Variants in LAMA4 observed in about 807,000 individuals in gnomAD.
LAMA4 encodes the protein laminin subunit alpha-4.
In LAMA4, 127 loss-of-function variants were observed where a neutral mutation model predicts 207.1. That is an observed-to-expected ratio of 0.61 (90% confidence interval 0.53 to 0.71). The LOEUF (loss-of-function observed/expected upper bound fraction) is 0.71. Ranked by LOEUF, LAMA4 falls within the 30% of genes least tolerant of loss-of-function variation. The pLI, the probability that LAMA4 is intolerant of heterozygous loss-of-function variation, is 0.00. For synonymous variants in LAMA4, 761 were observed against 816.0 expected (o/e 0.93, Z 1.15); for missense variants, 2,093 against 2,246.5 (o/e 0.93, Z 1.38).
chr6:112,203,883 C>T lies in LAMA4; in HGVS notation c.423-2195G>A, dbSNP rs566080847. 3.3e-5 allele frequency among the ~76,000 whole-genome samples: 5 copies of T among 152,270 alleles called. No individual in the cohort carries two copies. The East Asian group carries it at 9.6e-4, about 29-fold the overall frequency. On this transcript the variant is annotated intron_variant, in intron 4 of 38. Coordinates refer to ENST00000230538, the MANE Select transcript of LAMA4 (RefSeq NM_001105206.3). ...TGTGAATATGCATCTAGATTTAGAGCACATTCTCTAAGTCCCTTCAGTGCT... is the reference window on the plus strand; with the variant it reads ...TGTGAATATGCATCTAGATTTAGAGTACATTCTCTAAGTCCCTTCAGTGCT...
At position 112,185,424 on chromosome 6, in the gene LAMA4, T is replaced by G. The variant is rs1782629192; in HGVS notation, c.967-77A>C. Reference sequence around the variant, plus strand: ...AAATGTACATAAAACTCTTTCAGTGTAAGAGGACTCAGAGTAGAGTGTGAG... The same window carrying G: ...AAATGTACATAAAACTCTTTCAGTGGAAGAGGACTCAGAGTAGAGTGTGAG... On this transcript the variant is annotated intron_variant, in intron 8 of 38. Coordinates refer to ENST00000230538, the MANE Select transcript of LAMA4 (RefSeq NM_001105206.3). The G allele has an allele frequency of 1.0e-5, 9 of 866,236 alleles. No individual in the cohort carries two copies. The East Asian group carries it at 2.2e-4, about 21-fold the overall frequency. The allele number at this position is 866,236 out of a possible 1,614,324, so 53.7% of individuals were successfully genotyped here.
In LAMA4 at chr6:112,206,519, G is replaced by A. The variant is rs115321673; in HGVS notation, c.422+502C>T. ...TTTAACTACTCATTCAGGTCAAAACGTAGCCAGAAAGTGTTCCTGTAAATC... is the reference window on the plus strand; with the variant it reads ...TTTAACTACTCATTCAGGTCAAAACATAGCCAGAAAGTGTTCCTGTAAATC... On this transcript the variant is annotated intron_variant, in intron 4 of 38. Transcript: ENST00000230538. 3.5e-3 allele frequency among the ~76,000 whole-genome samples: 533 copies of A among 152,168 alleles called. 2 individuals are homozygous for A. The highest frequency in any genetic ancestry group is 0.012 in the African/African-American group (506 of 41,514).
chr6:112,162,416 G>A (rs1420155003), intron 13 of LAMA4, among the ~76,000 whole-genome samples: 4 of 151,992 alleles, frequency 2.6e-5, no homozygotes, highest in Non-Finnish European at 4.4e-5. Flanking sequence ...AGGTTGCAGT[G>A]AGCCGAGATC....
rs1783139890 is a variant in LAMA4 at position 112,191,844 on chromosome 6, A to G, written c.510T>C (p.Ala170=). 8.7e-6 allele frequency: 14 copies of G among 1,610,960 alleles called. No individual in the cohort carries two copies. Among genetic ancestry groups the G allele is most frequent in the Non-Finnish European group, 1.2e-5 (14 of 1,177,278 alleles). The part of the protein sequence containing the change: ...NYAGPNCERC[A]PGYYGNPLLI... ...GTAAGGGGTTTCCATAGTAACCGGG[A>G]GCACATCTGAAGAGGAATATCACAC... Residue 170 remains alanine (A), a synonymous_variant, in exon 6 of 39, where the codon GCT becomes GCC. Transcript: ENST00000230538.
intron 2 of LAMA4, among the ~76,000 whole-genome samples, chr6:112,241,265 C>CGAA (rs1554187705): frequency 6.8e-6 from 1 of 146,022 alleles, no homozygotes; most frequent in Non-Finnish European, 1.5e-5. Context: ...ATTCAGAAAT[C>CGAA]TCAACGACTG....
At chr6:112,124,074 C>A (rs976913618) in intron 31 of LAMA4, among the ~76,000 whole-genome samples, 3 of 152,150 alleles carry the variant, frequency 2.0e-5, no homozygotes, top group Non-Finnish European at 4.4e-5. Flanking sequence ...TGGAGTAATA[C>A]ACTTTATGAT....
intron 17 of LAMA4, among the ~76,000 whole-genome samples, chr6:112,148,664 G>A (rs1780182345): frequency 6.6e-6 from 1 of 151,900 alleles, no homozygotes; most frequent in African/African-American, 2.4e-5. Flanking sequence ...GAACACTTCT[G>A]CCATAAAAAT....
chr6:112,140,030 A>T lies in LAMA4; in HGVS notation c.2977-145T>A, dbSNP rs532158535. 8.9e-6 allele frequency: 7 copies of T among 788,540 alleles called. No homozygotes were observed. The South Asian group carries it at 1.0e-4, about 12-fold the overall frequency. 48.8% of individuals were successfully genotyped at this position (788,540 alleles called of 1,614,324 possible). A position where few individuals can be genotyped will look rare whatever the true frequency, so the allele number is the denominator to read the frequency against. ...TCTAGACCCGAGTGTGTTTATGCCA[A>T]ATCATTTAGATATGGCGTAACTTGT... On this transcript the variant is annotated intron_variant, in intron 22 of 38. Coordinates refer to ENST00000230538, the MANE Select transcript of LAMA4 (RefSeq NM_001105206.3).
intron 38 of LAMA4, among the ~76,000 whole-genome samples, chr6:112,112,699 T>C (rs3777946): frequency 0.25 from 37,771 of 151,914 alleles, 4,687 homozygotes; most frequent in East Asian, 0.32. Flanking sequence ...TCAAATATTT[T>C]TTTTCACACC....
chr6:112,157,426 G>A (rs1054475441), intron 14 of LAMA4, among the ~76,000 whole-genome samples: 3 of 152,100 alleles, frequency 2.0e-5, no homozygotes, highest in African/African-American at 7.2e-5. Flanking sequence ...AGCATAGCAC[G>A]TAAATCATTG....
At position 112,185,173 on chromosome 6, in the gene LAMA4, G is replaced by A. The variant is rs9374309; in HGVS notation, c.1077+64C>T. The A allele has an allele frequency of 0.46, 498,833 of 1,080,160 alleles. 119,723 individuals are homozygous for A. The highest frequency in any genetic ancestry group is 0.57 in the Admixed American group (33,572 of 59,374). 66.9% of individuals were successfully genotyped at this position (1,080,160 alleles called of 1,614,324 possible). A position where few individuals can be genotyped will look rare whatever the true frequency, so the allele number is the denominator to read the frequency against. On this transcript the variant is annotated intron_variant, in intron 9 of 38. Coordinates refer to ENST00000230538, the MANE Select transcript of LAMA4 (RefSeq NM_001105206.3). ...AGCCTCAGTCGTTTGTGACCAGCCA[G>A]CCTCACATCAGCTAAATCCTTTCTT...
chr6:112,205,052 TGTGA>T (rs1783980335), intron 4 of LAMA4, among the ~76,000 whole-genome samples: 1 of 152,190 alleles, frequency 6.6e-6, no homozygotes, highest in South Asian at 2.1e-4. Context: ...TCAGTAAGTG[TGTGA>T]GTATGAGTGA....
chr6:112,187,395 C>A lies in LAMA4; in HGVS notation c.966+55G>T. ...AAGGGGTAGAAGGAATTACTAGCTG[C>A]GGGCCTGTGAAGCCAGGATGAAAAC... On this transcript the variant is annotated intron_variant, in intron 8 of 38. Coordinates refer to ENST00000230538, the MANE Select transcript of LAMA4 (RefSeq NM_001105206.3). 1.9e-6 allele frequency: 3 copies of A among 1,599,950 alleles called. No individual in the cohort carries two copies. In the South Asian group the frequency reaches 3.3e-5, roughly 18 times the overall value.
intron 9 of LAMA4, among the ~76,000 whole-genome samples, 175 bp downstream of exon 9, chr6:112,185,062 G>A (rs1176626608): frequency 2.0e-5 from 3 of 152,148 alleles, no homozygotes; most frequent in Non-Finnish European, 4.4e-5. Context: ...AGACGGTAGA[G>A]ACTGAGTATG....
chr6:112,207,324 G>C (rs2239850), intron 3 of LAMA4, among the ~76,000 whole-genome samples, 179 bp from the exon 4 acceptor site: 1 of 152,292 alleles, frequency 6.6e-6, no homozygotes, highest in South Asian at 2.1e-4. Flanking sequence ...ATGCCAGAAA[G>C]TGTGGGTAAG....
rs1002029959 is a variant in LAMA4, at chr6:112,117,107, G to C, written c.4981+632C>G. On this transcript the variant is annotated intron_variant, in intron 35 of 38. Transcript: ENST00000230538. This position sits in a 1 kb window ranked among gnomAD's most constrained non-coding sequence, Gnocchi z 4.5. ...ATCCTAATTCCGGGCACTTATTCTG[G>C]TGTCTTCCTCACACCCAGCGATTGC... 6.6e-6 allele frequency among the ~76,000 whole-genome samples: 1 copy of C among 152,102 alleles called. No homozygotes were observed. Among genetic ancestry groups the C allele is most frequent in the Non-Finnish European group, 1.5e-5 (1 of 68,014 alleles).
chr6:112,115,305 A>T (rs1288140593), intron 36 of LAMA4, among the ~76,000 whole-genome samples: 1 of 150,638 alleles, frequency 6.6e-6, no homozygotes, highest in African/African-American at 2.5e-5. Context: ...GAACCCAAAT[A>T]AAAATCTGTT....
At chr6:112,128,415 G>C (rs1367200832) in intron 31 of LAMA4, among the ~76,000 whole-genome samples, 3 of 152,172 alleles carry the variant, frequency 2.0e-5, no homozygotes, top group Admixed American at 2.0e-4. Flanking sequence ...GTGGTTATCA[G>C]AGGCTGGGAC....
chr6:112,152,676 T>C (rs2114764787), intron 16 of LAMA4, among the ~76,000 whole-genome samples: 1 of 152,188 alleles, frequency 6.6e-6, no homozygotes, highest in Admixed American at 6.5e-5. Flanking sequence ...TTCTATTAGG[T>C]AGTCTTGATG....
Sources: gnomAD v4.1 joint callset for allele counts (sites outside exome capture counted in the v4.1 genomes callset) on GRCh38, gnomAD v4.1.1 for gene constraint, Gnocchi (gnomAD v3.1) non-coding constraint, MANE v1.5 for transcripts, NCBI Gene and HGNC (gene_info 2026-07-23, HGNC 2026-07-21) for gene names.